Variants in TMCC1 observed in about 807,000 individuals in gnomAD.
TMCC1 encodes the protein transmembrane and coiled-coil domain family 1, also known as transmembrane and coiled-coil domains protein 1.
TMCC1 carries 15 observed loss-of-function variants against 52.4 expected under a neutral mutation model. That is an observed-to-expected ratio of 0.29 (90% CI 0.19 to 0.44). TMCC1 has a LOEUF of 0.44. Ranked by LOEUF, TMCC1 falls within the 20% of genes least tolerant of loss-of-function variation. The pLI, the probability that TMCC1 is intolerant of heterozygous loss-of-function variation, is 1.00. For synonymous variants in TMCC1, 279 were observed against 301.9 expected, an observed-to-expected ratio of 0.92 and a Z score of 0.79; for missense variants, 503 against 806.0, an observed-to-expected ratio of 0.62 and a Z score of 4.55.
intron 4 of TMCC1, among the ~76,000 whole-genome samples, chr3:129,680,457 G>A (rs960670498): frequency 2.0e-5 from 3 of 152,132 alleles, no homozygotes; most frequent in South Asian, 2.1e-4. Context: ...GTGACTTGTC[G>A]AAGGTCACAT....
intron 4 of TMCC1, among the ~76,000 whole-genome samples, chr3:129,717,941 T>C (rs1354130453): frequency 6.6e-6 from 1 of 152,188 alleles, no homozygotes; most frequent in Non-Finnish European, 1.5e-5. Flanking sequence ...TACTATGAAA[T>C]ACATAGTTGA....
At chr3:129,831,637 T>C (rs2058919066) in intron 3 of TMCC1, among the ~76,000 whole-genome samples, 1 of 152,114 alleles carries the variant, frequency 6.6e-6, no homozygotes, top group Non-Finnish European at 1.5e-5. Flanking sequence ...CAATAGAAAA[T>C]CTTTAAGGCC....
chr3:129,682,865 C>T (rs1402095614), intron 4 of TMCC1, among the ~76,000 whole-genome samples: 1 of 151,808 alleles, frequency 6.6e-6, no homozygotes, highest in Non-Finnish European at 1.5e-5. Flanking sequence ...GACAGAGTTT[C>T]GCTCTTGTTG....
intron 4 of TMCC1, among the ~76,000 whole-genome samples, chr3:129,743,566 C>CA (rs2051652534): frequency 6.6e-6 from 1 of 152,106 alleles, no homozygotes; most frequent in Non-Finnish European, 1.5e-5. Context: ...TAACATTATA[C>CA]AAATGGCACC....
chr3:129,861,809 G>A (rs183986660), intron 2 of TMCC1, among the ~76,000 whole-genome samples: 8 of 152,276 alleles, frequency 5.3e-5, no homozygotes, highest in Non-Finnish European at 8.8e-5. Flanking sequence ...ACAGCCTTAC[G>A]GTTCCTCAAA....
chr3:129,854,925 T>C (rs2060084935), intron 2 of TMCC1, among the ~76,000 whole-genome samples: 1 of 152,200 alleles, frequency 6.6e-6, no homozygotes, highest in African/African-American at 2.4e-5. Flanking sequence ...CCCCACATAA[T>C]ATCCTGTTGC....
In TMCC1 at chr3:129,736,524, C is replaced by CTT. The variant is rs758923804; in HGVS notation, c.577-65262_577-65261dup. Among the ~76,000 whole-genome samples, 630 of 139,344 alleles carry CTT rather than the reference C, an allele frequency of 4.5e-3. 7 individuals are homozygous for CTT. The highest frequency in any genetic ancestry group is 0.016 in the African/African-American group (590 of 37,920). The allele number at this position is 139,344 out of a possible 152,430, so 91.4% of individuals were successfully genotyped here. A position where few individuals can be genotyped will look rare whatever the true frequency, so the allele number is the denominator to read the frequency against. ...GTAATGACAATTATTATTTTCTTTT[C>CTT]TTTTTTTTTTTTTTTGAGATGGAGT... On this transcript the variant is annotated intron_variant, in intron 4 of 6. Transcript: ENST00000393238.
intron 2 of TMCC1, among the ~76,000 whole-genome samples, chr3:129,849,684 C>A (rs1019743366): frequency 6.7e-6 from 1 of 148,944 alleles, no homozygotes; most frequent in African/African-American, 2.5e-5. Flanking sequence ...GAGAATGGCA[C>A]GAAGCTGGGA....
chr3:129,682,493 C>CTA (rs1239738917), intron 4 of TMCC1, among the ~76,000 whole-genome samples: 1 of 152,062 alleles, frequency 6.6e-6, no homozygotes, highest in African/African-American at 2.4e-5. Context: ...TTTCTGTAGG[C>CTA]CCTTAAAAAG....
At chr3:129,749,601 G>A (rs2052314445) in intron 4 of TMCC1, among the ~76,000 whole-genome samples, 1 of 152,080 alleles carries the variant, frequency 6.6e-6, no homozygotes, top group African/African-American at 2.4e-5. Context: ...AGGTCAAAAA[G>A]GAATTTTGGT....
At position 129,660,262 on chromosome 3, in the gene TMCC1, C is replaced by T. The variant is rs1428811609; in HGVS notation, c.1512-5159G>A. On this transcript the variant is annotated intron_variant, in intron 5 of 6. Transcript: ENST00000393238. ...TCCTAGGCTCTAGTGACCCTTCCAC[C>T]TCAGCCTCCCAAGCAGCTGGGACTA... Among the ~76,000 whole-genome samples the T allele has an allele frequency of 2.0e-5, 3 of 152,260 alleles. No homozygotes were observed. In the South Asian group the frequency reaches 6.2e-4, roughly 32 times the overall value.
chr3:129,859,075 G>T (rs1178544520), intron 2 of TMCC1, among the ~76,000 whole-genome samples: 1 of 152,104 alleles, frequency 6.6e-6, no homozygotes, highest in Non-Finnish European at 1.5e-5. Context: ...GTAGGCCATA[G>T]CTAAAAATTT....
intron 4 of TMCC1, among the ~76,000 whole-genome samples, chr3:129,777,583 C>T (rs1402886225): frequency 1.3e-5 from 2 of 152,108 alleles, no homozygotes; most frequent in African/African-American, 4.8e-5. Context: ...AACATATTTG[C>T]CCACCCCTCA....
intron 4 of TMCC1, among the ~76,000 whole-genome samples, chr3:129,723,487 AC>A (rs2049815786): frequency 1.3e-5 from 2 of 151,254 alleles, no homozygotes; most frequent in East Asian, 3.9e-4. Flanking sequence ...TTCGAATTTA[AC>A]CCATGTTTTT....
chr3:129,674,130 G>A (rs1299321746), intron 4 of TMCC1, among the ~76,000 whole-genome samples: 1 of 152,186 alleles, frequency 6.6e-6, no homozygotes, highest in Non-Finnish European at 1.5e-5. Flanking sequence ...AGCGATGTTT[G>A]CACTTTGACA....
chr3:129,849,872 T>C (rs576321856), intron 2 of TMCC1, among the ~76,000 whole-genome samples: 151 of 134,902 alleles, frequency 1.1e-3, no homozygotes, highest in African/African-American at 3.5e-3. Flanking sequence ...GGGGATTACA[T>C]TTAATTCAAG....
At chr3:129,652,374 C>T (rs1202757962) in intron 6 of TMCC1, among the ~76,000 whole-genome samples, 1 of 152,126 alleles carries the variant, frequency 6.6e-6, no homozygotes, top group African/African-American at 2.4e-5. Context: ...CCCAAAGAAA[C>T]CTGAAAAAGT....
At chr3:129,719,387 C>T (rs1006864414) in intron 4 of TMCC1, among the ~76,000 whole-genome samples, 1 of 152,158 alleles carries the variant, frequency 6.6e-6, no homozygotes, top group Non-Finnish European at 1.5e-5. Flanking sequence ...TCATCTGCAT[C>T]CTTTATAATA....
intron 4 of TMCC1, among the ~76,000 whole-genome samples, chr3:129,702,961 G>C (rs2047951331): frequency 6.6e-6 from 1 of 152,108 alleles, no homozygotes; most frequent in Admixed American, 6.6e-5. Context: ...GGTTGCAGTG[G>C]GCCGAGATTG....
Sources: allele counts gnomAD v4.1 joint callset (sites outside exome capture counted in the v4.1 genomes callset), GRCh38; gene constraint gnomAD v4.1.1; transcripts MANE v1.5; gene names NCBI Gene and HGNC (gene_info 2026-07-23, HGNC 2026-07-21).